The following NFKBIZ variants were observed in gnomAD, a reference collection of about 807,000 sequenced individuals.
NFKBIZ encodes NF-kappa-B inhibitor zeta.
NFKBIZ carries 19 observed loss-of-function variants against 76.8 expected under a neutral mutation model. The ratio of observed to expected loss-of-function variants is 0.25; its 90% confidence interval spans 0.17 to 0.36. The LOEUF (loss-of-function observed/expected upper bound fraction) is 0.36, where lower values mean the gene tolerates loss of function less well. NFKBIZ is among the 10% of genes least tolerant of loss of function. The probability of loss-of-function intolerance (pLI) is 1.00; values close to 1 mark genes in which losing one functional copy is unlikely to be tolerated. For synonymous variants in NFKBIZ, 368 were observed against 354.8 expected, an observed-to-expected ratio of 1.04 and a Z score of -0.42; for missense variants, 829 against 910.9, an observed-to-expected ratio of 0.91 and a Z score of 1.16.
At chr3:101,853,885 G>C in intron 5 of NFKBIZ, 22 bp downstream of exon 5, 1 of 1,600,518 alleles carries the variant, frequency 6.2e-7, no homozygotes, top group Non-Finnish European at 8.5e-7. Flanking sequence ...TTTATCTCAT[G>C]TTCTTAATTA....
chr3:101,856,970 C>T, intron 9 of NFKBIZ, 103 bp from the exon 10 acceptor site: 3 of 801,526 alleles, frequency 3.7e-6, no homozygotes, highest in Non-Finnish European at 4.1e-6. Flanking sequence ...AAGTGAGTCT[C>T]TGAAGCTGAA....
At chr3:101,857,500 G>C in intron 11 of NFKBIZ, 41 bp downstream of exon 11, 1 of 1,610,584 alleles carries the variant, frequency 6.2e-7, no homozygotes, top group African/African-American at 1.3e-5. Context: ...TTTTGGCACT[G>C]CAGTCTGAAA....
At chr3:101,838,423 G>A (rs577001069) in intron 2 of NFKBIZ, among the ~76,000 whole-genome samples, 1 of 152,186 alleles carries the variant, frequency 6.6e-6, no homozygotes, top group African/African-American at 2.4e-5. Context: ...GTGCCTCTAA[G>A]CACTTTTGCT....
At chr3:101,858,014 T>TAAAG in intron 11 of NFKBIZ, 2 of 819,842 alleles carry the variant, frequency 2.4e-6, no homozygotes, top group African/African-American at 1.8e-5. Flanking sequence ...AATGCTTTAC[T>TAAAG]CATCAAATAT....
chr3:101,858,307 C>T (rs1026610618), intron 11 of NFKBIZ: 16 of 965,566 alleles, frequency 1.7e-5, no homozygotes, highest in Non-Finnish European at 1.8e-5. Context: ...AAGAATATTT[C>T]TATAGTTTGT....
chr3:101,844,160 T>C (rs1014926875), intron 2 of NFKBIZ, among the ~76,000 whole-genome samples: 2 of 152,222 alleles, frequency 1.3e-5, no homozygotes, highest in African/African-American at 4.8e-5. Context: ...CAGTATTTGA[T>C]TAGAACAAAT....
intron 9 of NFKBIZ, among the ~76,000 whole-genome samples, chr3:101,856,287 T>G (rs1168173378): frequency 6.6e-6 from 1 of 152,200 alleles, no homozygotes; most frequent in Non-Finnish European, 1.5e-5. Context: ...CCTGACCTCG[T>G]GATCTGCCCG....
At chr3:101,834,073 A>AT (rs1942681986) in intron 2 of NFKBIZ, among the ~76,000 whole-genome samples, 1 of 152,132 alleles carries the variant, frequency 6.6e-6, no homozygotes, top group African/African-American at 2.4e-5. Flanking sequence ...ATTTTACTGG[A>AT]TAAGTAGGGC....
At chr3:101,852,358 C>A in intron 2 of NFKBIZ, 134 bp downstream of exon 2, 2 of 1,114,368 alleles carry the variant, frequency 1.8e-6, no homozygotes, top group Non-Finnish European at 2.6e-6. Context: ...GTCCATAGGA[C>A]AGAGACCATA....
At chr3:101,844,673 C>A (rs1942827889), upstream of NFKBIZ, among the ~76,000 whole-genome samples, 1 of 152,212 alleles carries the variant, frequency 6.6e-6, no homozygotes, top group African/African-American at 2.4e-5. Flanking sequence ...CTATCCATTT[C>A]TAAGGCAAAA....
intron 2 of NFKBIZ, among the ~76,000 whole-genome samples, chr3:101,843,026 A>G (rs1251292795): frequency 1.2e-4 from 17 of 146,166 alleles, no homozygotes; most frequent in Non-Finnish European, 2.1e-4. Flanking sequence ...TTTCTAAAAA[A>G]AAAAAAAAAA....
chr3:101,830,942 A>G (rs1942639344), intron 2 of NFKBIZ, among the ~76,000 whole-genome samples: 2 of 152,252 alleles, frequency 1.3e-5, no homozygotes, highest in Admixed American at 1.3e-4. Flanking sequence ...TTAATTACCT[A>G]GATGTTATAT....
rs910855236 is a variant in NFKBIZ at position 101,857,790 on chromosome 3, C to G, written c.2103+331C>G. On this transcript the variant is annotated intron_variant, in intron 11 of 11. Transcript: ENST00000326172. ...CCTGCAGATACCAAGGAAAGAGAAT[C>G]TTAGTCTTGTAATGTATGAGCCTTC... The G allele has an allele frequency of 6.4e-5, 63 of 985,240 alleles. No homozygotes were observed. In the African/African-American group the frequency reaches 1.1e-3, roughly 17 times the overall value. The allele number at this position is 985,240 out of a possible 1,614,324, so 61.0% of individuals were successfully genotyped here. A position where few individuals can be genotyped will look rare whatever the true frequency, so the allele number is the denominator to read the frequency against.
intron 2 of NFKBIZ, among the ~76,000 whole-genome samples, chr3:101,840,950 C>G (rs1402037441): frequency 6.6e-6 from 1 of 152,194 alleles, no homozygotes; most frequent in Non-Finnish European, 1.5e-5. Flanking sequence ...TCCGGGGACA[C>G]TATTAATTTT....
At position 101,853,486 on chromosome 3, in the gene NFKBIZ, C is replaced by T. The variant is rs368611410; in HGVS notation, c.960C>T (p.Pro320=). 96 of 1,614,130 alleles carry T rather than the reference C, an allele frequency of 5.9e-5. No homozygotes were observed. The highest frequency in any genetic ancestry group is 6.9e-5 in the Non-Finnish European group (81 of 1,180,048). ...CTTTTCCCATACCTCCCCAGTCCCCCGCTTATGAACCAAACCTCTTTGATG... is the reference window on the plus strand; with the variant it reads ...CTTTTCCCATACCTCCCCAGTCCCCTGCTTATGAACCAAACCTCTTTGATG... ...YSPFPIPPQS[P]AYEPNLFDGP... The change falls in exon 5 of 12, where the codon CCC becomes CCT. Residue 320 remains proline (P), a synonymous_variant. Coordinates refer to ENST00000326172, the MANE Select transcript of NFKBIZ (RefSeq NM_031419.4).
Position 101,857,444 on chromosome 3 carries a change from C to G in NFKBIZ, c.2088C>G (p.Gly696=), listed in dbSNP as rs759948933. Residue 696 remains glycine, a synonymous_variant, in exon 11 of 12, where the codon GGC becomes GGG. Coordinates refer to ENST00000326172, the MANE Select transcript of NFKBIZ (RefSeq NM_031419.4). ...NEQPVHLVPD[G]PVGEQIRRIL... is the part of the protein sequence containing the mutation. ...AGCCAGTGCATTTGGTTCCCGATGG[C>G]CCTGTGGGAGAACAGGTGAGAGGCA... is the stretch of plus-strand genomic sequence containing the variant. 3.7e-5 allele frequency: 60 copies of G among 1,613,930 alleles called. No individual in the cohort carries two copies. Among genetic ancestry groups the G allele is most frequent in the South Asian group, 3.1e-4 (28 of 91,082 alleles).
chr3:101,832,826 T>C (rs1243606573), intron 2 of NFKBIZ, among the ~76,000 whole-genome samples: 3 of 152,234 alleles, frequency 2.0e-5, no homozygotes, highest in African/African-American at 7.2e-5. Context: ...CTTTTGGGGA[T>C]ATATCAAGTC....
chr3:101,844,622 A>G (rs1942827087), upstream of NFKBIZ, among the ~76,000 whole-genome samples: 1 of 152,240 alleles, frequency 6.6e-6, no homozygotes, highest in Non-Finnish European at 1.5e-5. Context: ...GGTGCTGGAA[A>G]TGAATATAAC....
upstream of NFKBIZ, among the ~76,000 whole-genome samples, chr3:101,845,294 C>CA (rs1226307626): frequency 5.3e-3 from 697 of 131,190 alleles, 9 homozygotes; most frequent in African/African-American, 0.019. Flanking sequence ...AATCCAATTC[C>CA]TTTTTTTTTT....
Sources: allele counts gnomAD v4.1 joint callset (sites outside exome capture counted in the v4.1 genomes callset), GRCh38; gene constraint gnomAD v4.1.1; transcripts MANE v1.5; gene names NCBI Gene and HGNC (gene_info 2026-07-23, HGNC 2026-07-21).